TTC28: variants seen among roughly 807,000 people sequenced by gnomAD.
TTC28 encodes tetratricopeptide repeat domain 28.
TTC28 carries 61 observed loss-of-function variants against 198.0 expected under a neutral mutation model. That is an observed-to-expected ratio of 0.31 (90% CI 0.25 to 0.38). The LOEUF (loss-of-function observed/expected upper bound fraction) is 0.38. Ranked by LOEUF, TTC28 falls within the 10% of genes least tolerant of loss-of-function variation. TTC28 has a pLI of 1.00. For missense variants in TTC28, 2,678 were observed against 3,164.0 expected (o/e 0.85, Z 3.69); for synonymous variants, 1,171 against 1,297.8 (o/e 0.90, Z 2.10).
At chr22:28,450,537 C>A (rs2047763900) in intron 2 of TTC28, among the ~76,000 whole-genome samples, 1 of 152,186 alleles carries the variant, frequency 6.6e-6, no homozygotes, top group African/African-American at 2.4e-5. Context: ...CACACAAGCA[C>A]ACACACAATA....
chr22:28,600,179 G>A (rs1262126417), intron 2 of TTC28, among the ~76,000 whole-genome samples: 3 of 151,998 alleles, frequency 2.0e-5, no homozygotes, highest in Non-Finnish European at 2.9e-5. Context: ...AGGGATGCTT[G>A]AATCCAGGAG....
intron 2 of TTC28, among the ~76,000 whole-genome samples, chr22:28,597,356 T>C (rs2146108248): frequency 6.6e-6 from 1 of 152,302 alleles, no homozygotes; most frequent in African/African-American, 2.4e-5. Context: ...TTTCCCAGTC[T>C]CTGGCAACCA....
chr22:28,500,039 TGA>T (rs2048514292), intron 2 of TTC28, among the ~76,000 whole-genome samples: 1 of 152,164 alleles, frequency 6.6e-6, no homozygotes, highest in African/African-American at 2.4e-5. Context: ...ATAACTTTAT[TGA>T]GATATAATTC....
chr22:28,448,830 A>G (rs1484863576), intron 2 of TTC28, among the ~76,000 whole-genome samples: 2 of 152,184 alleles, frequency 1.3e-5, no homozygotes, highest in Non-Finnish European at 2.9e-5. Context: ...GACCTTACCC[A>G]TCTCACTTCC....
chr22:28,344,603 C>G (rs760218960), intron 2 of TTC28, among the ~76,000 whole-genome samples: 1 of 152,038 alleles, frequency 6.6e-6, no homozygotes, highest in Non-Finnish European at 1.5e-5. Flanking sequence ...TCCATTTATG[C>G]CCCAACCCAA....
intron 5 of TTC28, among the ~76,000 whole-genome samples, chr22:28,240,390 G>A (rs189679008): frequency 6.6e-6 from 1 of 152,072 alleles, no homozygotes; most frequent in African/African-American, 2.4e-5. Context: ...GTATCTATAA[G>A]GATTCACAAT....
At chr22:28,062,015 T>C (rs1940561872) in intron 12 of TTC28, among the ~76,000 whole-genome samples, 1 of 152,208 alleles carries the variant, frequency 6.6e-6, no homozygotes, top group Non-Finnish European at 1.5e-5. Context: ...TTTGGCTCTC[T>C]GTTTGTCTGT....
intron 14 of TTC28, among the ~76,000 whole-genome samples, chr22:28,013,789 G>A (rs1160251989): frequency 1.3e-5 from 2 of 151,884 alleles, no homozygotes; most frequent in African/African-American, 4.8e-5. Flanking sequence ...GCACATCCAC[G>A]GCCACATCCC....
chr22:28,317,222 T>G (rs1427562569), intron 2 of TTC28, among the ~76,000 whole-genome samples: 1 of 152,266 alleles, frequency 6.6e-6, no homozygotes, highest in Non-Finnish European at 1.5e-5. Context: ...AAAATCTTTG[T>G]GTGATAATTT....
At chr22:28,354,238 T>C (rs2046041445) in intron 2 of TTC28, among the ~76,000 whole-genome samples, 1 of 152,188 alleles carries the variant, frequency 6.6e-6, no homozygotes, top group Non-Finnish European at 1.5e-5. Context: ...GTGTTCATAA[T>C]AGCATTATTC....
In TTC28 at chr22:28,528,644, G is replaced by A. The variant is rs141724588; in HGVS notation, c.381+100908C>T. On this transcript the variant is annotated intron_variant, in intron 2 of 22. Coordinates refer to ENST00000397906, the MANE Select transcript of TTC28 (RefSeq NM_001145418.2). ...CGAGCTACTCGGGAGGCCAAGGCAC[G>A]AGAACTGCTTGAACCCAGGAAGCGG... is the stretch of plus-strand genomic sequence containing the variant. Among the ~76,000 whole-genome samples the A allele has an allele frequency of 4.9e-3, 734 of 149,428 alleles. 4 individuals carry two copies. Among genetic ancestry groups the A allele is most frequent in the Non-Finnish European group, 8.2e-3 (554 of 67,642 alleles).
At chr22:28,182,703 G>A (rs1456622665) in intron 5 of TTC28, among the ~76,000 whole-genome samples, 1 of 152,126 alleles carries the variant, frequency 6.6e-6, no homozygotes, top group Non-Finnish European at 1.5e-5. Flanking sequence ...TGAATGCTCA[G>A]GAACAAATGT....
intron 5 of TTC28, among the ~76,000 whole-genome samples, chr22:28,242,243 G>T (rs567562775): frequency 6.6e-6 from 1 of 152,196 alleles, no homozygotes; most frequent in African/African-American, 2.4e-5. Context: ...GGAGTGGGTG[G>T]TACACTTTAC....
intron 1 of TTC28, among the ~76,000 whole-genome samples, chr22:28,641,562 G>A (rs191013964): frequency 6.6e-6 from 1 of 152,118 alleles, no homozygotes; most frequent in Admixed American, 6.6e-5. Context: ...TTGAGAGCGA[G>A]GAAAATGTTC....
chr22:28,142,934 A>G (rs1569160342), intron 6 of TTC28, among the ~76,000 whole-genome samples: 2 of 152,316 alleles, frequency 1.3e-5, no homozygotes, highest in East Asian at 3.9e-4. Context: ...TGTACATACA[A>G]CCAAGCCATC....
At chr22:28,422,502 G>A (rs1012225865) in intron 2 of TTC28, among the ~76,000 whole-genome samples, 23 of 151,336 alleles carry the variant, frequency 1.5e-4, no homozygotes, top group Non-Finnish European at 2.4e-4. Flanking sequence ...GCAGTGGCGC[G>A]ATCTCGGTTC....
chr22:28,467,268 A>G (rs761319509), intron 2 of TTC28, among the ~76,000 whole-genome samples: 1 of 152,094 alleles, frequency 6.6e-6, no homozygotes, highest in Non-Finnish European at 1.5e-5. Context: ...AAACAAAACA[A>G]TAAAAATTAG....
chr22:28,237,886 G>A (rs1349935661), intron 5 of TTC28, among the ~76,000 whole-genome samples: 2 of 152,060 alleles, frequency 1.3e-5, no homozygotes, highest in African/African-American at 4.8e-5. Context: ...ACTGAATTCT[G>A]GGGGGAGAGT....
intron 5 of TTC28, among the ~76,000 whole-genome samples, chr22:28,207,223 GGA>G (rs35492607): frequency 4.4e-4 from 35 of 78,726 alleles, no homozygotes; most frequent in Middle Eastern, 8.8e-3. Flanking sequence ...CTAAGCAGAT[GGA>G]AAAAAAAAAA....
Sources: allele counts gnomAD v4.1 joint callset (sites outside exome capture counted in the v4.1 genomes callset), GRCh38; gene constraint gnomAD v4.1.1; transcripts MANE v1.5; gene names NCBI Gene and HGNC (gene_info 2026-07-23, HGNC 2026-07-21).